SERPINE2: variants seen among roughly 807,000 people sequenced by gnomAD.
SERPINE2 encodes serpin family E member 2.
In SERPINE2, 14 loss-of-function variants were observed where a neutral mutation model predicts 36.3. The observed-to-expected ratio is 0.39, with a 90% CI of 0.25 to 0.60. SERPINE2 has a LOEUF of 0.60. SERPINE2 is among the 20% of genes least tolerant of loss of function. SERPINE2 has a pLI of 0.57. For missense variants in SERPINE2, 418 were observed against 499.6 expected (o/e 0.84, Z 1.56); for synonymous variants, 192 against 191.8 (o/e 1.00, Z -0.01).
chr2:224,035,555 G>A (rs577878716), intron 1 of SERPINE2, among the ~76,000 whole-genome samples: 5 of 152,038 alleles, frequency 3.3e-5, no homozygotes, highest in Non-Finnish European at 7.4e-5. Flanking sequence ...TTTTAGTAGA[G>A]ACGCGGTTTT....
chr2:224,028,620 C>T (rs796310131), intron 1 of SERPINE2, among the ~76,000 whole-genome samples: 3 of 152,184 alleles, frequency 2.0e-5, no homozygotes, highest in African/African-American at 7.2e-5. Flanking sequence ...GTGTTCTACA[C>T]ACCTGAATCT....
chr2:224,018,597 A>T (rs1691879763), intron 1 of SERPINE2, among the ~76,000 whole-genome samples: 1 of 151,814 alleles, frequency 6.6e-6, no homozygotes, highest in African/African-American at 2.4e-5. Flanking sequence ...TCTCAAAAAA[A>T]AAAAATAATA....
chr2:223,987,473 C>G (rs542410803), intron 4 of SERPINE2, among the ~76,000 whole-genome samples: 3 of 152,292 alleles, frequency 2.0e-5, no homozygotes, highest in Admixed American at 2.0e-4. Flanking sequence ...CCTTTAAAAT[C>G]CCCTACCCGA....
Position 223,975,664 on chromosome 2 carries a change from A to T in SERPINE2, c.*203T>A. ...GAAGCCTTTCTATTCATTCCTCAGT[A>T]CAGTGTTCCAGCCATCCTGCTTGTT... On this transcript the variant is annotated 3_prime_UTR_variant, in exon 9 of 9. Coordinates refer to ENST00000409304, the MANE Select transcript of SERPINE2 (RefSeq NM_001136528.2). 1.5e-5 allele frequency: 7 copies of T among 482,210 alleles called. No individual in the cohort carries two copies. Among genetic ancestry groups the T allele is most frequent in the Non-Finnish European group, 2.3e-5 (6 of 266,316 alleles). The allele number at this position is 482,210 out of a possible 1,614,324, so 29.9% of individuals were successfully genotyped here.
intron 3 of SERPINE2, 67 bp from the exon 4 acceptor site, chr2:223,992,067 G>A: frequency 1.5e-6 from 2 of 1,353,452 alleles, no homozygotes; most frequent in Non-Finnish European, 2.1e-6. Flanking sequence ...GAGGGCAAAT[G>A]GCAGCTGTCA....
intron 1 of SERPINE2, among the ~76,000 whole-genome samples, chr2:224,021,036 C>T (rs1691981470): frequency 6.6e-6 from 1 of 152,176 alleles, no homozygotes; most frequent in South Asian, 2.1e-4. Context: ...ACCTCTACGG[C>T]CCAGAGAAAA....
chr2:223,988,848 G>A (rs958161174), intron 4 of SERPINE2, among the ~76,000 whole-genome samples: 1 of 152,202 alleles, frequency 6.6e-6, no homozygotes, highest in Non-Finnish European at 1.5e-5. Context: ...TTATGTGGCT[G>A]ATAAAAGGAT....
chr2:224,027,559 A>G (rs1692226440), intron 1 of SERPINE2, among the ~76,000 whole-genome samples: 1 of 152,180 alleles, frequency 6.6e-6, no homozygotes, highest in South Asian at 2.1e-4. Context: ...CTTAGGGACA[A>G]GGTGGGAGTG....
intron 4 of SERPINE2, 124 bp from the exon 5 acceptor site, chr2:223,985,074 T>G: frequency 1.4e-6 from 1 of 717,858 alleles, no homozygotes. Context: ...TTTCCACAAA[T>G]AGCTTCCTTA....
At chr2:223,989,392 A>T (rs1181762852) in intron 4 of SERPINE2, among the ~76,000 whole-genome samples, 2 of 152,186 alleles carry the variant, frequency 1.3e-5, no homozygotes, top group Non-Finnish European at 2.9e-5. Flanking sequence ...AGCATCCGAC[A>T]GGTGGCACCC....
chr2:223,997,931 G>A (rs1366405967), intron 3 of SERPINE2, among the ~76,000 whole-genome samples, 184 bp downstream of exon 3: 1 of 152,196 alleles, frequency 6.6e-6, no homozygotes, highest in South Asian at 2.1e-4. Context: ...CACCTCCCAG[G>A]AGCACAGTGA....
chr2:224,031,793 CCT>C lies in SERPINE2; in HGVS notation c.-23+7304_-23+7305del, dbSNP rs1692390188. ...GCCGGCTGGAACTGGCTGAAAAGCC[CCT>C]CTTTCCTCCTCACTGAGGAGGCTGT... On this transcript the variant is annotated intron_variant, in intron 1 of 8. Coordinates refer to ENST00000409304, the MANE Select transcript of SERPINE2 (RefSeq NM_001136528.2). Among the ~76,000 whole-genome samples, 4 of 148,192 alleles carry C rather than the reference CCT, an allele frequency of 2.7e-5. No homozygotes were observed. In the Admixed American group the frequency reaches 2.7e-4, roughly 10 times the overall value.
chr2:223,978,684 T>A (rs12475117), intron 7 of SERPINE2: 12 of 152,218 alleles, frequency 7.9e-5, no homozygotes, highest in African/African-American at 2.9e-4. Flanking sequence ...CCATGAAGTA[T>A]TGAACACTTG....
chr2:224,030,229 A>G (rs920072452), intron 1 of SERPINE2: 1 of 985,432 alleles, frequency 1.0e-6, no homozygotes, highest in Non-Finnish European at 1.2e-6. Context: ...ACAGATGACC[A>G]GGTGATCATT....
Position 223,975,808 on chromosome 2 carries a change from A to T in SERPINE2, c.*59T>A. On this transcript the variant is annotated 3_prime_UTR_variant, in exon 9 of 9. Transcript: ENST00000409304. ...AACAGAACTATGAAAGATGCAGGAA[A>T]GGAGTCTTTCTTCGTAGCAAAGTAG... The T allele has an allele frequency of 7.4e-7, 1 of 1,346,752 alleles. No homozygotes were observed. Among genetic ancestry groups the T allele is most frequent in the Non-Finnish European group, 1.0e-6 (1 of 970,468 alleles). The allele number at this position is 1,346,752 out of a possible 1,614,324, so 83.4% of individuals were successfully genotyped here.
chr2:223,997,022 A>G (rs1457247658), intron 3 of SERPINE2, among the ~76,000 whole-genome samples: 1 of 152,148 alleles, frequency 6.6e-6, no homozygotes, highest in Non-Finnish European at 1.5e-5. Context: ...GGCTGCAGTG[A>G]GCTATGATTG....
chr2:224,002,393 G>C (rs913575176), intron 1 of SERPINE2, among the ~76,000 whole-genome samples: 1 of 152,138 alleles, frequency 6.6e-6, no homozygotes, highest in Non-Finnish European at 1.5e-5. Flanking sequence ...AACACACCCT[G>C]GGGAGGTGGG....
chr2:224,024,813 C>T (rs1692130342), intron 1 of SERPINE2, among the ~76,000 whole-genome samples: 1 of 152,200 alleles, frequency 6.6e-6, no homozygotes, highest in African/African-American at 2.4e-5. Context: ...AATTAAAAGT[C>T]AATGACAATG....
At chr2:223,985,409 CA>C (rs1210855058) in intron 4 of SERPINE2, among the ~76,000 whole-genome samples, 1 of 150,874 alleles carries the variant, frequency 6.6e-6, no homozygotes, top group African/African-American at 2.4e-5. Flanking sequence ...AGCAAATTAA[CA>C]TATCCATTAT....
Sources: allele counts gnomAD v4.1 joint callset (sites outside exome capture counted in the v4.1 genomes callset), GRCh38; gene constraint gnomAD v4.1.1; transcripts MANE v1.5; gene names NCBI Gene and HGNC (gene_info 2026-07-23, HGNC 2026-07-21).